CDH10: variants seen among roughly 807,000 people sequenced by gnomAD.
CDH10 encodes the protein cadherin 10.
In CDH10, 30 loss-of-function variants were observed where a neutral mutation model predicts 73.1. The observed-to-expected ratio is 0.41, with a 90% confidence interval of 0.31 to 0.56. The LOEUF is 0.56. CDH10 is among the 20% of genes least tolerant of loss of function. The probability of loss-of-function intolerance (pLI) is 0.27; values close to 1 mark genes in which losing one functional copy is unlikely to be tolerated. For missense variants in CDH10, 815 were observed against 973.7 expected, an observed-to-expected ratio of 0.84 and a Z score of 2.17; for synonymous variants, 345 against 348.2, an observed-to-expected ratio of 0.99 and a Z score of 0.10.
At chr5:24,616,334 T>G (rs1032833747) in intron 1 of CDH10, among the ~76,000 whole-genome samples, 4 of 152,106 alleles carry the variant, frequency 2.6e-5, no homozygotes, top group African/African-American at 9.7e-5. Context: ...CCGCAACGAA[T>G]TTGGATTATG....
intron 3 of CDH10, among the ~76,000 whole-genome samples, chr5:24,537,000 A>G (rs909654436): frequency 1.3e-5 from 2 of 151,866 alleles, no homozygotes; most frequent in Non-Finnish European, 2.9e-5. Flanking sequence ...ACTAGAGTAT[A>G]TGTGAAGATT....
At chr5:24,519,522 C>A (rs139174648) in intron 5 of CDH10, among the ~76,000 whole-genome samples, 1 of 151,866 alleles carries the variant, frequency 6.6e-6, no homozygotes, top group South Asian at 2.1e-4. Flanking sequence ...GCAGAATAAC[C>A]TAGTAGAGAA....
At chr5:24,600,736 T>C (rs1044945969) in intron 1 of CDH10, among the ~76,000 whole-genome samples, 5 of 152,072 alleles carry the variant, frequency 3.3e-5, no homozygotes, top group East Asian at 1.9e-4. Flanking sequence ...GGGTCATAGG[T>C]ATGTAATGGG....
At chr5:24,582,847 TG>T (rs1301527887) in intron 2 of CDH10, among the ~76,000 whole-genome samples, 2 of 152,132 alleles carry the variant, frequency 1.3e-5, no homozygotes. Flanking sequence ...AAAATGATAA[TG>T]GTGATACAGT....
intron 2 of CDH10, among the ~76,000 whole-genome samples, chr5:24,543,955 A>G (rs1744245419): frequency 6.6e-6 from 1 of 152,200 alleles, no homozygotes; most frequent in Non-Finnish European, 1.5e-5. Flanking sequence ...ATTAATGTAC[A>G]TAAAAACAAG....
At chr5:24,584,796 T>C (rs1272228292) in intron 2 of CDH10, among the ~76,000 whole-genome samples, 1 of 151,684 alleles carries the variant, frequency 6.6e-6, no homozygotes, top group African/African-American at 2.4e-5. Flanking sequence ...ATCCACATCA[T>C]AATTTATCTT....
chr5:24,508,103 T>C (rs1391701683), intron 7 of CDH10, among the ~76,000 whole-genome samples: 1 of 152,152 alleles, frequency 6.6e-6, no homozygotes, highest in East Asian at 1.9e-4. Flanking sequence ...AAGTGAACAA[T>C]AACCATCTGA....
intron 6 of CDH10, 41 bp downstream of exon 6, chr5:24,511,286 C>G (rs752384322): frequency 7.1e-6 from 9 of 1,271,122 alleles, no homozygotes; most frequent in Non-Finnish European, 9.1e-6. Context: ...AATCCCTACT[C>G]CTGAAACACA....
intron 1 of CDH10, among the ~76,000 whole-genome samples, chr5:24,621,300 T>C (rs1044623386): frequency 7.9e-5 from 12 of 152,170 alleles, no homozygotes; most frequent in Non-Finnish European, 1.3e-4. Flanking sequence ...CCCATATCCA[T>C]TTATTTATTC....
At chr5:24,489,642 T>A (rs891001623) in intron 11 of CDH10, among the ~76,000 whole-genome samples, 1 of 152,106 alleles carries the variant, frequency 6.6e-6, no homozygotes, top group African/African-American at 2.4e-5. Context: ...TTTTTGAATG[T>A]TTTTTGATTA....
chr5:24,548,469 C>CCAGT (rs3032844), intron 2 of CDH10, among the ~76,000 whole-genome samples: 62,674 of 143,588 alleles, frequency 0.44, 14,273 homozygotes, highest in East Asian at 0.58. Flanking sequence ...GATAGAATTC[C>CCAGT]CAGTCCTCCT....
At chr5:24,590,242 T>C (rs1335970490) in intron 2 of CDH10, among the ~76,000 whole-genome samples, 1 of 151,914 alleles carries the variant, frequency 6.6e-6, no homozygotes, top group Non-Finnish European at 1.5e-5. Flanking sequence ...AATTAGCCAA[T>C]GGGCTTTATT....
At chr5:24,574,043 C>G (rs993325003) in intron 2 of CDH10, among the ~76,000 whole-genome samples, 1 of 151,530 alleles carries the variant, frequency 6.6e-6, no homozygotes, top group Non-Finnish European at 1.5e-5. Flanking sequence ...TGCCACCACA[C>G]CCGGCTAATT....
intron 1 of CDH10, among the ~76,000 whole-genome samples, chr5:24,636,791 T>G (rs968673392): frequency 3.3e-5 from 5 of 151,910 alleles, no homozygotes; most frequent in Non-Finnish European, 7.4e-5. Flanking sequence ...GTCTCAACTT[T>G]GGGCCCTTGC....
At position 24,592,335 on chromosome 5, in the gene CDH10, G is replaced by C. The variant is rs145297234; in HGVS notation, c.231+925C>G. Among the ~76,000 whole-genome samples, 545 of 151,948 alleles carry C rather than the reference G, an allele frequency of 3.6e-3. 1 individual carries two copies. The highest frequency in any genetic ancestry group is 0.014 in the Middle Eastern group (4 of 292). ...ATTGTCAAGGCAGTGATGTATGCAT[G>C]ATAATTGTGTAGTGTTAACATGTGA... On this transcript the variant is annotated intron_variant, in intron 2 of 11. Coordinates refer to ENST00000264463, the MANE Select transcript of CDH10 (RefSeq NM_006727.5).
intron 5 of CDH10, among the ~76,000 whole-genome samples, chr5:24,515,790 G>T (rs1385574098): frequency 1.3e-5 from 2 of 152,120 alleles, no homozygotes; most frequent in African/African-American, 4.8e-5. Context: ...ATTCCCACGT[G>T]TCATGGGAGG....
intron 1 of CDH10, 26 bp downstream of exon 1, chr5:24,644,568 A>G (rs1416981385): frequency 6.6e-6 from 1 of 151,788 alleles, no homozygotes; most frequent in Admixed American, 6.6e-5. Flanking sequence ...TAACGGAGTT[A>G]AAAGAAAGAG....
At chr5:24,553,858 C>T (rs546411526) in intron 2 of CDH10, among the ~76,000 whole-genome samples, 1 of 151,924 alleles carries the variant, frequency 6.6e-6, no homozygotes, top group South Asian at 2.1e-4. Context: ...TTGGGTGGGG[C>T]AAGGTGAAGA....
At chr5:24,528,165 T>A (rs1743597446) in intron 5 of CDH10, among the ~76,000 whole-genome samples, 1 of 151,874 alleles carries the variant, frequency 6.6e-6, no homozygotes, top group Non-Finnish European at 1.5e-5. Flanking sequence ...AAAATCACAC[T>A]GTATCTAATG....
Sources: gnomAD v4.1 joint callset for allele counts (sites outside exome capture counted in the v4.1 genomes callset) on GRCh38, gnomAD v4.1.1 for gene constraint, MANE v1.5 for transcripts, NCBI Gene and HGNC (gene_info 2026-07-23, HGNC 2026-07-21) for gene names.